The following GALNT13 variants were observed in gnomAD, a reference collection of about 807,000 sequenced individuals.
GALNT13 encodes the protein UDP-GalNAc:polypeptide N-acetylgalactosaminyltransferase 13.
In GALNT13, 28 loss-of-function variants were observed where a neutral mutation model predicts 64.2. The observed-to-expected ratio is 0.44, with a 90% CI of 0.32 to 0.60. The LOEUF is 0.60. Ranked by LOEUF, GALNT13 falls within the 20% of genes least tolerant of loss-of-function variation. The pLI, the probability that GALNT13 is intolerant of heterozygous loss-of-function variation, is 0.05. For synonymous variants in GALNT13, 214 were observed against 224.6 expected (o/e 0.95, Z 0.42); for missense variants, 577 against 669.8 (o/e 0.86, Z 1.53).
At chr2:153,843,157 A>T in the GALNT13 span, among the ~76,000 whole-genome samples, 38 of 152,166 alleles carry the variant, frequency 2.5e-4, no homozygotes, top group African/African-American at 8.7e-4. Flanking sequence ...AGACTGGGTA[A>T]TTTATAATGA....
chr2:153,135,468 G>A, the GALNT13 span, among the ~76,000 whole-genome samples: 9 of 152,190 alleles, frequency 5.9e-5, no homozygotes, highest in Non-Finnish European at 1.2e-4. Flanking sequence ...AGCTGAGTTT[G>A]ATAAAATGTA....
the GALNT13 span, among the ~76,000 whole-genome samples, chr2:153,480,620 G>C: frequency 6.6e-6 from 1 of 152,080 alleles, no homozygotes; most frequent in Admixed American, 6.6e-5. Flanking sequence ...GTCTATCTTA[G>C]TTAATGTGGG....
At chr2:154,413,148 G>T (rs1699864752) in intron 11 of GALNT13, among the ~76,000 whole-genome samples, 1 of 151,718 alleles carries the variant, frequency 6.6e-6, no homozygotes, top group Admixed American at 6.6e-5. Context: ...CCTCTCTCCT[G>T]AGCTCTAGAA....
At chr2:153,963,235 C>G (rs1693064103) in intron 3 of GALNT13, among the ~76,000 whole-genome samples, 1 of 152,168 alleles carries the variant, frequency 6.6e-6, no homozygotes, top group Non-Finnish European at 1.5e-5. Context: ...ATCTAAACAC[C>G]TAAAAGTCTT....
the GALNT13 span, among the ~76,000 whole-genome samples, chr2:153,150,056 CTT>C: frequency 6.6e-6 from 1 of 151,716 alleles, no homozygotes; most frequent in African/African-American, 2.4e-5. Flanking sequence ...TCCATGATCT[CTT>C]GTCGGCTTCA....
chr2:154,002,340 T>C (rs1418370301), intron 3 of GALNT13, among the ~76,000 whole-genome samples: 1 of 151,996 alleles, frequency 6.6e-6, no homozygotes, highest in South Asian at 2.1e-4. Flanking sequence ...TGTAGGCCTT[T>C]TTCACTCTTT....
At chr2:154,151,258 C>A (rs1488836880) in intron 4 of GALNT13, among the ~76,000 whole-genome samples, 2 of 152,098 alleles carry the variant, frequency 1.3e-5, no homozygotes, top group African/African-American at 4.8e-5. Flanking sequence ...GTTTTTTAAT[C>A]CTCAGTTCTA....
the GALNT13 span, among the ~76,000 whole-genome samples, chr2:153,340,319 C>G: frequency 6.6e-6 from 1 of 151,596 alleles, no homozygotes; most frequent in South Asian, 2.1e-4. Context: ...ATTTATTTAG[C>G]CTAATTTCTC....
At chr2:153,571,091 G>A in the GALNT13 span, among the ~76,000 whole-genome samples, 139,290 of 151,846 alleles carry the variant, frequency 0.92, 63,938 homozygotes, top group Non-Finnish European at 0.93. Context: ...GTTCATGAAC[G>A]TAGAATATTA....
the GALNT13 span, among the ~76,000 whole-genome samples, chr2:153,277,923 C>CTTTTTTT: frequency 0.19 from 15,118 of 77,756 alleles, 5,434 homozygotes; most frequent in Non-Finnish European, 0.22. Flanking sequence ...GTTTTCTTTT[C>CTTTTTTT]TTTCTTTTTT....
chr2:154,061,419 A>G (rs533328853), intron 3 of GALNT13, among the ~76,000 whole-genome samples: 57 of 152,328 alleles, frequency 3.7e-4, no homozygotes, highest in African/African-American at 1.3e-3. Context: ...ATTTTGGGTC[A>G]GAGCTGGACT....
At chr2:153,671,995 G>A in the GALNT13 span, among the ~76,000 whole-genome samples, 7 of 152,128 alleles carry the variant, frequency 4.6e-5, no homozygotes, top group Admixed American at 4.6e-4. Context: ...TCAACAAAAA[G>A]AGTTAACTAT....
At chr2:154,435,208 A>G (rs547150446) in intron 11 of GALNT13, among the ~76,000 whole-genome samples, 23 of 152,240 alleles carry the variant, frequency 1.5e-4, no homozygotes, top group Non-Finnish European at 2.9e-4. Context: ...TTAGAAAAGG[A>G]AGAAGAATAG....
At chr2:154,257,396 A>G (rs1053769906) in intron 7 of GALNT13, among the ~76,000 whole-genome samples, 2 of 152,130 alleles carry the variant, frequency 1.3e-5, no homozygotes, top group African/African-American at 4.8e-5. Context: ...ATGATAGGAT[A>G]ATTGCAGCAA....
At chr2:153,398,709 C>T in the GALNT13 span, among the ~76,000 whole-genome samples, 2 of 151,604 alleles carry the variant, frequency 1.3e-5, no homozygotes. Flanking sequence ...TTTTTGGCTG[C>T]ATAAATGTCT....
the GALNT13 span, among the ~76,000 whole-genome samples, chr2:153,866,609 A>G: frequency 6.6e-6 from 1 of 152,320 alleles, no homozygotes; most frequent in Admixed American, 6.5e-5. Context: ...GTTTAAAACT[A>G]ATTATACTTT....
At chr2:153,197,549 G>A in the GALNT13 span, among the ~76,000 whole-genome samples, 1 of 152,372 alleles carries the variant, frequency 6.6e-6, no homozygotes, top group Admixed American at 6.5e-5. Flanking sequence ...GGGGGCCAGT[G>A]CCAGGCCAGG....
intron 6 of GALNT13, among the ~76,000 whole-genome samples, chr2:154,244,214 G>A (rs538140229): frequency 2.0e-5 from 3 of 152,014 alleles, no homozygotes; most frequent in African/African-American, 4.8e-5. Flanking sequence ...CACTGTATTT[G>A]CATATGATGA....
intron 4 of GALNT13, among the ~76,000 whole-genome samples, chr2:154,194,567 T>G (rs1686775437): frequency 6.6e-6 from 1 of 152,172 alleles, no homozygotes; most frequent in Admixed American, 6.5e-5. Context: ...AATTTTGTTG[T>G]ATCTTTGTTT....
Sources: gnomAD v4.1 joint callset for allele counts (sites outside exome capture counted in the v4.1 genomes callset) on GRCh38, gnomAD v4.1.1 for gene constraint, MANE v1.5 for transcripts, NCBI Gene and HGNC (gene_info 2026-07-23, HGNC 2026-07-21) for gene names.